Variants in SEL1L observed in about 807,000 individuals in gnomAD.
SEL1L encodes SEL1L adaptor subunit of SYVN1 ubiquitin ligase.
In SEL1L, 52 loss-of-function variants were observed where a neutral mutation model predicts 109.8. That is an observed-to-expected ratio of 0.47 (90% confidence interval 0.38 to 0.60). The LOEUF (loss-of-function observed/expected upper bound fraction) is 0.60, where lower values mean the gene tolerates loss of function less well. Among genes scored for constraint, SEL1L ranks in the 20% least tolerant of loss-of-function variants. SEL1L has a pLI of 0.00. For synonymous variants in SEL1L, 373 were observed against 339.6 expected, an observed-to-expected ratio of 1.10 and a Z score of -1.08; for missense variants, 749 against 962.2, an observed-to-expected ratio of 0.78 and a Z score of 2.93.
At chr14:81,496,514 G>A (rs954663010) in intron 10 of SEL1L, among the ~76,000 whole-genome samples, 2 of 152,070 alleles carry the variant, frequency 1.3e-5, no homozygotes, top group Non-Finnish European at 2.9e-5. Flanking sequence ...TGAGGTGGGT[G>A]GGATCACTTA....
intron 11 of SEL1L, 61 bp from the exon 12 acceptor site, chr14:81,492,609 G>T: frequency 1.8e-6 from 2 of 1,117,540 alleles, no homozygotes; most frequent in Non-Finnish European, 2.6e-6. Context: ...TTGACTTTCA[G>T]CCAAAATAAT....
intron 6 of SEL1L, among the ~76,000 whole-genome samples, chr14:81,500,521 C>T (rs1367237996): frequency 6.6e-6 from 1 of 152,168 alleles, no homozygotes; most frequent in East Asian, 1.9e-4. Context: ...CAGGCATGAG[C>T]CACCACGCCC....
chr14:81,511,350 A>C (rs1488045925), intron 3 of SEL1L, among the ~76,000 whole-genome samples: 1 of 152,220 alleles, frequency 6.6e-6, no homozygotes, highest in Non-Finnish European at 1.5e-5. Flanking sequence ...TGACCAGAAT[A>C]AAGTGGCAAA....
intron 14 of SEL1L, chr14:81,489,034 G>C (rs1883442617): frequency 5.3e-6 from 3 of 561,796 alleles, no homozygotes; most frequent in Non-Finnish European, 9.4e-6. Context: ...CCATACCTCT[G>C]GGAGAAAGTG....
chr14:81,518,387 C>T (rs1424670544), intron 3 of SEL1L, among the ~76,000 whole-genome samples: 2 of 151,272 alleles, frequency 1.3e-5, no homozygotes, highest in East Asian at 2.0e-4. Flanking sequence ...AGGCCGGGTG[C>T]GGTGGCTCAC....
chr14:81,499,605 T>C lies in SEL1L; in HGVS notation c.831+4A>G. 6.2e-7 allele frequency: 1 copy of C among 1,611,164 alleles called. No individual in the cohort carries two copies. Among genetic ancestry groups the C allele is most frequent in the African/African-American group, 1.3e-5 (1 of 74,814 alleles). On this transcript the variant is annotated splice_donor_region_variant and intron_variant, in intron 7 of 20. Transcript: ENST00000336735. ...AATATGCAATAAAGTTTTAATAGTA[T>C]TACCTTTGCCTGACTTGAATTAACA...
At chr14:81,507,763 G>A (rs1884300989) in intron 3 of SEL1L, among the ~76,000 whole-genome samples, 1 of 152,048 alleles carries the variant, frequency 6.6e-6, no homozygotes, top group African/African-American at 2.4e-5. Flanking sequence ...CAGAGGTCCA[G>A]GACTAAGCCT....
chr14:81,487,290 A>G (rs1235622325), intron 16 of SEL1L, 100 bp downstream of exon 16: 3 of 1,173,222 alleles, frequency 2.6e-6, no homozygotes, highest in Admixed American at 6.6e-5. Flanking sequence ...TGAGTCTAGA[A>G]CTACAGAAGA....
intron 17 of SEL1L, 134 bp from the exon 18 acceptor site, chr14:81,485,880 C>T: frequency 1.4e-6 from 1 of 725,854 alleles, no homozygotes; most frequent in Admixed American, 2.7e-5. Context: ...AAAACAAATA[C>T]TGAAATTAAT....
At chr14:81,492,271 G>A (rs570779063) in intron 12 of SEL1L, among the ~76,000 whole-genome samples, 35 of 152,284 alleles carry the variant, frequency 2.3e-4, no homozygotes, top group African/African-American at 7.2e-4. Flanking sequence ...GATTACAGGC[G>A]TGAGCCACCG....
intron 6 of SEL1L, among the ~76,000 whole-genome samples, 180 bp downstream of exon 6, chr14:81,502,541 T>C (rs2038826089): frequency 1.3e-5 from 2 of 152,216 alleles, no homozygotes; most frequent in African/African-American, 4.8e-5. Flanking sequence ...TCCATGACCA[T>C]AAATGTTCCC....
At chr14:81,510,269 AG>A (rs1210376307) in intron 3 of SEL1L, among the ~76,000 whole-genome samples, 1 of 152,220 alleles carries the variant, frequency 6.6e-6, no homozygotes, top group African/African-American at 2.4e-5. Flanking sequence ...ATTACAGAAC[AG>A]GAAGAGAGAA....
At chr14:81,524,907 AG>A (rs1219685644) in intron 3 of SEL1L, among the ~76,000 whole-genome samples, 1 of 152,158 alleles carries the variant, frequency 6.6e-6, no homozygotes, top group Non-Finnish European at 1.5e-5. Context: ...GAGGGAGAAC[AG>A]CAACAGATTA....
At chr14:81,532,880 C>T (rs557946085) in intron 1 of SEL1L, among the ~76,000 whole-genome samples, 1 of 152,070 alleles carries the variant, frequency 6.6e-6, no homozygotes, top group South Asian at 2.1e-4. Context: ...CTTAGAAACA[C>T]GAAGTTTTCA....
intron 10 of SEL1L, among the ~76,000 whole-genome samples, chr14:81,496,360 T>C (rs2140007325): frequency 6.6e-6 from 1 of 151,918 alleles, no homozygotes; most frequent in East Asian, 1.9e-4. Context: ...ACTGAATTTG[T>C]CCCCAGTGAA....
intron 15 of SEL1L, 119 bp downstream of exon 15, chr14:81,487,736 G>T: frequency 6.6e-7 from 1 of 1,523,630 alleles, no homozygotes; most frequent in Non-Finnish European, 8.8e-7. Context: ...CATTGAACTG[G>T]GAGAACATTT....
intron 11 of SEL1L, among the ~76,000 whole-genome samples, chr14:81,492,780 C>T (rs1475615349): frequency 1.3e-5 from 2 of 152,168 alleles, no homozygotes; most frequent in Non-Finnish European, 2.9e-5. Context: ...ATTATAGATG[C>T]AAAGAAATTT....
chr14:81,500,818 T>C (rs1883973570), intron 6 of SEL1L, among the ~76,000 whole-genome samples: 3 of 152,136 alleles, frequency 2.0e-5, no homozygotes, highest in African/African-American at 2.4e-5. Context: ...TGCTCTACAA[T>C]GTTAGAGCAC....
rs572903303 is a variant in SEL1L at position 81,527,844 on chromosome 14, A to T, written c.71-106T>A. ...ATAGCAAATAATAATCAAACATTGG[A>T]TAAATAAACATAGAATTATTTTAAA... On this transcript the variant is annotated intron_variant, in intron 1 of 20. Coordinates refer to ENST00000336735, the MANE Select transcript of SEL1L (RefSeq NM_005065.6). The T allele has an allele frequency of 4.4e-6, 3 of 679,160 alleles. No homozygotes were observed. In the South Asian group the frequency reaches 6.5e-5, roughly 15 times the overall value. 42.1% of individuals were successfully genotyped at this position (679,160 alleles called of 1,614,324 possible).
Sources: allele counts gnomAD v4.1 joint callset (sites outside exome capture counted in the v4.1 genomes callset), GRCh38; gene constraint gnomAD v4.1.1; transcripts MANE v1.5; gene names NCBI Gene and HGNC (gene_info 2026-07-23, HGNC 2026-07-21).